Variants in NCKAP5 observed in about 807,000 individuals in gnomAD.
NCKAP5 encodes the protein NCK associated protein 5, also known as nck-associated protein 5.
In NCKAP5, 92 loss-of-function variants were observed where a neutral mutation model predicts 167.0. The ratio of observed to expected loss-of-function variants is 0.55; its 90% confidence interval spans 0.47 to 0.66. The LOEUF is 0.66. Among genes scored for constraint, NCKAP5 ranks in the 30% least tolerant of loss-of-function variants. The pLI, the probability that NCKAP5 is intolerant of heterozygous loss-of-function variation, is 0.00. For synonymous variants in NCKAP5, 891 were observed against 877.4 expected, an observed-to-expected ratio of 1.02 and a Z score of -0.27; for missense variants, 2,378 against 2,315.0, an observed-to-expected ratio of 1.03 and a Z score of -0.56.
intron 8 of NCKAP5, among the ~76,000 whole-genome samples, chr2:132,888,604 T>TG (rs1692440423): frequency 6.6e-6 from 1 of 152,170 alleles, no homozygotes; most frequent in Non-Finnish European, 1.5e-5. Context: ...TTGGTCAGCC[T>TG]GGTCTTGAAC....
chr2:132,996,331 A>G (rs769523630), intron 6 of NCKAP5, among the ~76,000 whole-genome samples: 2 of 152,244 alleles, frequency 1.3e-5, no homozygotes, highest in African/African-American at 2.4e-5. Context: ...ACTACATGTT[A>G]TAATCTTGTT....
chr2:132,897,021 T>C (rs549950204), intron 8 of NCKAP5, among the ~76,000 whole-genome samples: 1 of 152,340 alleles, frequency 6.6e-6, no homozygotes, highest in African/African-American at 2.4e-5. Flanking sequence ...TCAGACAGTA[T>C]GAATTTATAT....
chr2:133,193,089 G>A (rs2082627), intron 5 of NCKAP5, among the ~76,000 whole-genome samples: 79,526 of 151,896 alleles, frequency 0.52, 23,157 homozygotes, highest in East Asian at 0.91. Context: ...AATGCTTCAT[G>A]CATACAACAA....
At chr2:132,931,887 C>T (rs565694398) in intron 8 of NCKAP5, among the ~76,000 whole-genome samples, 6 of 152,108 alleles carry the variant, frequency 3.9e-5, no homozygotes, top group East Asian at 3.9e-4. Flanking sequence ...AGAAAAAATA[C>T]GATAGAAAGA....
At chr2:133,668,807 CTCCT>C in the NCKAP5 span, among the ~76,000 whole-genome samples, 1 of 152,176 alleles carries the variant, frequency 6.6e-6, no homozygotes, top group Admixed American at 6.5e-5. Flanking sequence ...ATTCTTTCTG[CTCCT>C]TCCTATCTTT....
At chr2:133,254,942 A>G (rs2088539013) in intron 4 of NCKAP5, among the ~76,000 whole-genome samples, 1 of 152,106 alleles carries the variant, frequency 6.6e-6, no homozygotes, top group Admixed American at 6.5e-5. Flanking sequence ...CAGTGAAAAA[A>G]GAGCTTTCAG....
intron 9 of NCKAP5, among the ~76,000 whole-genome samples, chr2:132,874,078 G>A (rs375659714): frequency 3.3e-5 from 5 of 149,978 alleles, no homozygotes; most frequent in African/African-American, 9.8e-5. Flanking sequence ...AAGTACGATC[G>A]TCTTCCATTT....
At chr2:133,562,423 C>A (rs1482555506) in intron 1 of NCKAP5, among the ~76,000 whole-genome samples, 1 of 152,156 alleles carries the variant, frequency 6.6e-6, no homozygotes, top group Non-Finnish European at 1.5e-5. Context: ...CAATGGAAAC[C>A]ATTTGAGAAA....
intron 3 of NCKAP5, among the ~76,000 whole-genome samples, chr2:133,316,141 G>A (rs1434569261): frequency 6.6e-6 from 1 of 152,120 alleles, no homozygotes; most frequent in Non-Finnish European, 1.5e-5. Context: ...CTCCCAAACA[G>A]AATTTCTGGT....
chr2:132,754,755 T>C (rs1013310571), intron 16 of NCKAP5, among the ~76,000 whole-genome samples: 1 of 152,366 alleles, frequency 6.6e-6, no homozygotes, highest in African/African-American at 2.4e-5. Context: ...GGATTATCTA[T>C]AGACATCAAG....
chr2:133,526,873 C>T (rs1044365866), intron 2 of NCKAP5, among the ~76,000 whole-genome samples: 1 of 152,118 alleles, frequency 6.6e-6, no homozygotes, highest in African/African-American at 2.4e-5. Flanking sequence ...AAAATGTACA[C>T]ATAACCCCAG....
chr2:133,028,787 C>T (rs558017741), intron 6 of NCKAP5, among the ~76,000 whole-genome samples: 7 of 152,266 alleles, frequency 4.6e-5, no homozygotes, highest in African/African-American at 1.7e-4. Context: ...AACTGGATCA[C>T]GGTGATGAAT....
In NCKAP5 at chr2:133,109,482, T is replaced by C. The variant is rs999636112; in HGVS notation, c.341+20496A>G. Among the ~76,000 whole-genome samples the C allele has an allele frequency of 3.9e-5, 6 of 152,306 alleles. 1 individual carries two copies. Among genetic ancestry groups the C allele is most frequent in the Middle Eastern group, 6.8e-3 (2 of 294 alleles). The stretch of plus-strand genomic sequence containing the variant: ...AATGTAAAGAGATCTATTAAGACTG[T>C]CTGATAGTTACTGCCGAAGGATATA... On this transcript the variant is annotated intron_variant, in intron 6 of 19. Transcript: ENST00000409261.
chr2:133,473,583 T>A (rs529725452), intron 3 of NCKAP5, among the ~76,000 whole-genome samples: 2 of 152,350 alleles, frequency 1.3e-5, no homozygotes, highest in South Asian at 4.1e-4. Flanking sequence ...ACCACTGTTC[T>A]ATAAGATAAT....
chr2:132,930,470 GT>G (rs1696284207), intron 8 of NCKAP5: 1 of 152,198 alleles, frequency 6.6e-6, no homozygotes, highest in Non-Finnish European at 1.5e-5. Context: ...TGCAGAAAAG[GT>G]AAAAAGGTGG....
intron 3 of NCKAP5, among the ~76,000 whole-genome samples, chr2:133,435,823 T>G (rs1438147551): frequency 1.3e-5 from 2 of 152,190 alleles, no homozygotes; most frequent in Admixed American, 1.3e-4. Context: ...TGGTGTTCTC[T>G]TCTCTCACCT....
intron 5 of NCKAP5, among the ~76,000 whole-genome samples, chr2:133,157,767 A>T: frequency 6.6e-6 from 1 of 152,216 alleles, no homozygotes; most frequent in Middle Eastern, 3.2e-3. Flanking sequence ...CATGTTAATT[A>T]TGGAGTGGTG....
the NCKAP5 span, among the ~76,000 whole-genome samples, chr2:133,600,206 C>G: frequency 8.9e-4 from 135 of 152,252 alleles, no homozygotes; most frequent in African/African-American, 3.1e-3. Context: ...TAATTCAGCT[C>G]CTGGAATCAG....
chr2:132,775,464 T>C (rs536576355), intron 15 of NCKAP5, among the ~76,000 whole-genome samples: 84 of 152,370 alleles, frequency 5.5e-4, no homozygotes, highest in Admixed American at 2.1e-3. Context: ...AGGCCATGCT[T>C]CATCACTTTC....
Sources: gnomAD v4.1 joint callset for allele counts (sites outside exome capture counted in the v4.1 genomes callset) on GRCh38, gnomAD v4.1.1 for gene constraint, MANE v1.5 for transcripts, NCBI Gene and HGNC (gene_info 2026-07-23, HGNC 2026-07-21) for gene names.